Variants in PRMT8 observed in about 807,000 individuals in gnomAD.
The protein encoded by PRMT8 is protein arginine methyltransferase 8.
PRMT8 carries 7 observed loss-of-function variants against 47.1 expected under a neutral mutation model. The observed-to-expected ratio is 0.15, with a 90% CI of 0.08 to 0.28. The LOEUF (loss-of-function observed/expected upper bound fraction) is 0.28. Ranked by LOEUF, PRMT8 falls within the 10% of genes least tolerant of loss-of-function variation. PRMT8 has a pLI of 1.00. For missense variants in PRMT8, 237 were observed against 505.4 expected (o/e 0.47, Z 5.09); for synonymous variants, 188 against 186.5 (o/e 1.01, Z -0.07).
intron 2 of PRMT8, among the ~76,000 whole-genome samples, chr12:3,549,067 A>G (rs529106693): frequency 1.6e-4 from 25 of 152,344 alleles, no homozygotes; most frequent in African/African-American, 5.8e-4. Flanking sequence ...TAAAATAGGC[A>G]GAAGGAAGCT....
intron 2 of PRMT8, among the ~76,000 whole-genome samples, chr12:3,544,797 A>G (rs1866299929): frequency 6.6e-6 from 1 of 152,186 alleles, no homozygotes; most frequent in Non-Finnish European, 1.5e-5. Flanking sequence ...TCAAGTGGTT[A>G]GGCAGGATGT....
intron 8 of PRMT8, among the ~76,000 whole-genome samples, chr12:3,584,324 C>A (rs1180979500): frequency 2.6e-5 from 4 of 152,172 alleles, no homozygotes; most frequent in African/African-American, 9.7e-5. Flanking sequence ...GCCCTTTTCC[C>A]AAATACAGTC....
chr12:3,439,041 AAACATT>A (rs1371137232), intron 1 of PRMT8, among the ~76,000 whole-genome samples: 1 of 152,264 alleles, frequency 6.6e-6, no homozygotes, highest in Non-Finnish European at 1.5e-5. Context: ...TGTATTTTAA[AAACATT>A]AACCCCTAAG....
rs770567057 is a variant in PRMT8, at chr12:3,583,216, G to C, written c.979+8G>C. ...AAATGGGGTTTTCCACAGGTGAGCT[G>C]TTTGTTGCTTCCCAGAGCCTCCTCC... On this transcript the variant is annotated splice_region_variant and intron_variant, in intron 8 of 9. Transcript: ENST00000382622. The surrounding 1 kb of genome is among the most constrained non-coding windows in gnomAD (Gnocchi z 4.7). The C allele has an allele frequency of 3.1e-6, 5 of 1,606,842 alleles. No homozygotes were observed. Among genetic ancestry groups the C allele is most frequent in the Non-Finnish European group, 4.3e-6 (5 of 1,176,406 alleles).
intron 1 of PRMT8, among the ~76,000 whole-genome samples, chr12:3,434,301 G>A (rs1191754975): frequency 6.6e-6 from 1 of 152,154 alleles, no homozygotes; most frequent in Non-Finnish European, 1.5e-5. Context: ...GGGCTACTAG[G>A]CACAAGCAAG....
chr12:3,467,996 G>T (rs1456404189), intron 1 of PRMT8, among the ~76,000 whole-genome samples: 18 of 152,168 alleles, frequency 1.2e-4, no homozygotes, highest in Non-Finnish European at 1.5e-5. Context: ...CTGACTCAGG[G>T]AACCTCTATT....
chr12:3,536,705 T>C (rs1029770231), intron 1 of PRMT8, among the ~76,000 whole-genome samples: 1 of 152,178 alleles, frequency 6.6e-6, no homozygotes, highest in African/African-American at 2.4e-5. Context: ...CCAGGCTGGA[T>C]GGAGGTTGAC....
At chr12:3,515,527 A>T (rs1181612953) in intron 1 of PRMT8, among the ~76,000 whole-genome samples, 3 of 151,770 alleles carry the variant, frequency 2.0e-5, no homozygotes, top group Non-Finnish European at 2.9e-5. Context: ...ATAATAAAAT[A>T]AAAAAAAAGA....
chr12:3,407,710 T>G (rs1864387108), intron 1 of PRMT8, among the ~76,000 whole-genome samples: 1 of 152,236 alleles, frequency 6.6e-6, no homozygotes, highest in Non-Finnish European at 1.5e-5. Flanking sequence ...ATAAGCTTTT[T>G]GTGCCTTTCT....
At chr12:3,546,449 GA>G (rs1182009077) in intron 2 of PRMT8, among the ~76,000 whole-genome samples, 1 of 151,844 alleles carries the variant, frequency 6.6e-6, no homozygotes, top group African/African-American at 2.4e-5. Context: ...GATTAATCAA[GA>G]AAAAAAGAGA....
At chr12:3,470,787 C>T (rs1865153975) in intron 1 of PRMT8, among the ~76,000 whole-genome samples, 1 of 152,238 alleles carries the variant, frequency 6.6e-6, no homozygotes, top group African/African-American at 2.4e-5. Context: ...ATCTCTTCAG[C>T]TGTACATCGC....
At chr12:3,432,188 A>G (rs1281788650) in intron 1 of PRMT8, among the ~76,000 whole-genome samples, 1 of 152,188 alleles carries the variant, frequency 6.6e-6, no homozygotes, top group Non-Finnish European at 1.5e-5. Context: ...TGGTGATGGC[A>G]GGGAGAAGGC....
At chr12:3,579,936 T>G (rs1286864793) in intron 7 of PRMT8, among the ~76,000 whole-genome samples, 1 of 152,006 alleles carries the variant, frequency 6.6e-6, no homozygotes, top group Non-Finnish European at 1.5e-5. Flanking sequence ...GTCTCAGAGC[T>G]GCTGTTTCTG....
At chr12:3,415,242 G>A (rs1231264635) in intron 1 of PRMT8, among the ~76,000 whole-genome samples, 1 of 152,194 alleles carries the variant, frequency 6.6e-6, no homozygotes, top group African/African-American at 2.4e-5. Context: ...GGGACATGGA[G>A]CTTCCACGCC....
chr12:3,523,518 A>G (rs1169313284), intron 1 of PRMT8, among the ~76,000 whole-genome samples: 2 of 152,190 alleles, frequency 1.3e-5, no homozygotes, highest in Admixed American at 1.3e-4. Context: ...GACAACCCTA[A>G]GAGAGTAAAA....
At chr12:3,578,122 A>T (rs778083189) in intron 7 of PRMT8, among the ~76,000 whole-genome samples, 3 of 152,098 alleles carry the variant, frequency 2.0e-5, no homozygotes, top group African/African-American at 4.8e-5. Context: ...AGCCAAAAAA[A>T]TTTTTTTTGA....
At position 3,583,029 on chromosome 12, in the gene PRMT8, C is replaced by T; in HGVS notation, c.829-29C>T. 1.9e-6 allele frequency: 3 copies of T among 1,604,576 alleles called. No individual in the cohort carries two copies. The highest frequency in any genetic ancestry group is 2.6e-6 in the Non-Finnish European group (3 of 1,174,620). On this transcript the variant is annotated intron_variant, in intron 7 of 9. Coordinates refer to ENST00000382622, the MANE Select transcript of PRMT8 (RefSeq NM_019854.5). The surrounding 1 kb of genome is among the most constrained non-coding windows in gnomAD (Gnocchi z 4.7). ...CCAGACTTGGTGGAGGCGATAAGTT[C>T]CCGGCATTCTCTCTTCTCTGGGCTG...
At chr12:3,428,197 G>A (rs532829997) in intron 1 of PRMT8, among the ~76,000 whole-genome samples, 2 of 151,894 alleles carry the variant, frequency 1.3e-5, no homozygotes, top group South Asian at 4.2e-4. Flanking sequence ...AACCTGCTGG[G>A]TTAAGGGAAT....
chr12:3,432,200 A>C (rs1864688643), intron 1 of PRMT8, among the ~76,000 whole-genome samples: 1 of 152,184 alleles, frequency 6.6e-6, no homozygotes, highest in Admixed American at 6.5e-5. Flanking sequence ...GGAGAAGGCC[A>C]CAATCTGACA....
Sources: gnomAD v4.1 joint callset for allele counts (sites outside exome capture counted in the v4.1 genomes callset) on GRCh38, gnomAD v4.1.1 for gene constraint, Gnocchi (gnomAD v3.1) non-coding constraint, MANE v1.5 for transcripts, NCBI Gene and HGNC (gene_info 2026-07-23, HGNC 2026-07-21) for gene names.